ITSN1: variants seen among roughly 807,000 people sequenced by gnomAD.
ITSN1 encodes intersectin 1.
A neutral mutation model predicts 239.8 loss-of-function variants in ITSN1; 58 were observed. The observed-to-expected ratio is 0.24, with a 90% CI of 0.20 to 0.30. ITSN1 has a LOEUF of 0.30. Ranked by LOEUF, ITSN1 falls within the 10% of genes least tolerant of loss-of-function variation. The pLI is 1.00. For synonymous variants in ITSN1, 780 were observed against 770.8 expected (o/e 1.01, Z -0.20); for missense variants, 1,558 against 2,103.3 (o/e 0.74, Z 5.07).
At chr21:33,670,371 C>A (rs1450931669) in intron 1 of ITSN1, among the ~76,000 whole-genome samples, 1 of 152,052 alleles carries the variant, frequency 6.6e-6, no homozygotes, top group Non-Finnish European at 1.5e-5. Context: ...CAAAACAAAA[C>A]AAAATCTGAG....
chr21:33,727,117 GTGTGTCAT>G, intron 4 of ITSN1, among the ~76,000 whole-genome samples: 1 of 152,210 alleles, frequency 6.6e-6, no homozygotes, highest in South Asian at 2.1e-4. Context: ...TCAAGTCAGT[GTGTGTCAT>G]GCCAAATTAT....
chr21:33,864,578 G>A (rs1034820846), intron 31 of ITSN1, among the ~76,000 whole-genome samples: 1 of 152,014 alleles, frequency 6.6e-6, no homozygotes, highest in African/African-American at 2.4e-5. Context: ...CCTCTTTTCC[G>A]AACTCCTCTT....
chr21:33,845,261 C>T (rs536063232), intron 29 of ITSN1, among the ~76,000 whole-genome samples: 7 of 151,534 alleles, frequency 4.6e-5, no homozygotes, highest in Non-Finnish European at 5.9e-5. Context: ...GACCTGGCTG[C>T]GGGGGAGGCA....
In ITSN1 at chr21:33,819,273, G is replaced by A; in HGVS notation, c.2966G>A (p.Ser989Asn). 6.2e-7 allele frequency: 1 copy of A among 1,614,050 alleles called. No homozygotes were observed. Among genetic ancestry groups the A allele is most frequent in the South Asian group, 1.1e-5 (1 of 91,078 alleles). ...TCTGGTTCTTCAGAGAGTCCTGCTA[G>A]TCTAAAGCGAGTAGCCTCTCCAGCA... ...MDSGSSESPA[S>N]LKRVASPAAK... The change falls in exon 24 of 40, where the codon AGT (serine) becomes AAT (asparagine). Residue 989 changes from serine to asparagine, a missense_variant. By Grantham distance (46) the Ser-to-Asn change is conservative (BLOSUM62 1). Transcript: ENST00000381318.
intron 14 of ITSN1, among the ~76,000 whole-genome samples, chr21:33,776,189 G>A (rs1344462549): frequency 6.6e-6 from 1 of 152,030 alleles, no homozygotes; most frequent in African/African-American, 2.4e-5. Context: ...TGTGGAAATG[G>A]TTTATTTCTC....
At chr21:33,709,083 T>G (rs1258651569) in intron 1 of ITSN1, among the ~76,000 whole-genome samples, 3 of 152,310 alleles carry the variant, frequency 2.0e-5, no homozygotes, top group Non-Finnish European at 2.9e-5. Flanking sequence ...AGGGTAAATC[T>G]TTCAACTTTG....
chr21:33,650,376 C>T (rs568339914), intron 1 of ITSN1, among the ~76,000 whole-genome samples: 10 of 152,260 alleles, frequency 6.6e-5, no homozygotes, highest in Non-Finnish European at 8.8e-5. Flanking sequence ...GGAGCTCCAA[C>T]GAATTGGAGC....
In ITSN1 at chr21:33,674,754, A is replaced by G. The variant is rs114998781; in HGVS notation, c.-33+32041A>G. Reference sequence around the variant, plus strand: ...AAAAGTTTATTTTACCTTTTTTATTATAGGAGTAATGCATGTTCATAATGG... The same window carrying G: ...AAAAGTTTATTTTACCTTTTTTATTGTAGGAGTAATGCATGTTCATAATGG... On this transcript the variant is annotated intron_variant, in intron 1 of 39. Transcript: ENST00000381318. 5.3e-3 allele frequency among the ~76,000 whole-genome samples: 804 copies of G among 152,320 alleles called. 6 individuals carry two copies. The highest frequency in any genetic ancestry group is 0.018 in the African/African-American group (763 of 41,578).
At chr21:33,831,764 G>A (rs1436684034) in intron 27 of ITSN1, among the ~76,000 whole-genome samples, 1 of 152,186 alleles carries the variant, frequency 6.6e-6, no homozygotes, top group Non-Finnish European at 1.5e-5. Flanking sequence ...GCACAACCTG[G>A]AGTGTAACTA....
chr21:33,797,239 T>A lies in ITSN1; in HGVS notation c.1953-140T>A. 1 of 664,042 alleles carries A rather than the reference T, an allele frequency of 1.5e-6. No homozygotes were observed. The highest frequency in any genetic ancestry group is 2.7e-6 in the Non-Finnish European group (1 of 376,900). The allele number at this position is 664,042 out of a possible 1,614,324, so 41.1% of individuals were successfully genotyped here. A position where few individuals can be genotyped will look rare whatever the true frequency, so the allele number is the denominator to read the frequency against. ...TCTCATTCAGAACTGGAGCCCTGAT[T>A]CAGTTGCCCCATCTGAACAACAATG... On this transcript the variant is annotated intron_variant, in intron 17 of 39. Transcript: ENST00000381318. The surrounding 1 kb of genome is among the most constrained non-coding windows in gnomAD (Gnocchi z 4.9).
At chr21:33,769,021 A>T (rs548348004) in intron 11 of ITSN1, among the ~76,000 whole-genome samples, 4 of 152,366 alleles carry the variant, frequency 2.6e-5, no homozygotes, top group East Asian at 3.9e-4. Context: ...GATGCACAAC[A>T]GACCTCACTT....
chr21:33,876,882 CAGATAT>C (rs960413964), intron 34 of ITSN1, among the ~76,000 whole-genome samples: 30 of 148,240 alleles, frequency 2.0e-4, no homozygotes, highest in African/African-American at 5.8e-4. Flanking sequence ...AAACAACAAA[CAGATAT>C]AGATATAGAT....
At chr21:33,867,153 C>A (rs770526896) in intron 32 of ITSN1, 80 bp from the exon 33 acceptor site, 30 of 809,218 alleles carry the variant, frequency 3.7e-5, no homozygotes, top group Middle Eastern at 3.0e-4. Flanking sequence ...GGTGGAGAGT[C>A]CTCACTGACA....
At chr21:33,664,398 G>A (rs1177010392) in intron 1 of ITSN1, among the ~76,000 whole-genome samples, 1 of 152,140 alleles carries the variant, frequency 6.6e-6, no homozygotes, top group South Asian at 2.1e-4. Context: ...GGGCCAGGTT[G>A]TTAACAGCCA....
At chr21:33,741,482 G>A (rs777431178) in intron 5 of ITSN1, among the ~76,000 whole-genome samples, 19 of 152,112 alleles carry the variant, frequency 1.2e-4, no homozygotes, top group Middle Eastern at 3.2e-3. Context: ...TAGTGTGCAC[G>A]TGAACTGTAA....
At chr21:33,766,714 A>G (rs549601666) in intron 10 of ITSN1, among the ~76,000 whole-genome samples, 4 of 152,378 alleles carry the variant, frequency 2.6e-5, no homozygotes, top group African/African-American at 7.2e-5. Flanking sequence ...CTGTCAGCAC[A>G]CACGTGGTAC....
chr21:33,658,888 A>C (rs2089315829), intron 1 of ITSN1, among the ~76,000 whole-genome samples: 1 of 151,972 alleles, frequency 6.6e-6, no homozygotes, highest in South Asian at 2.1e-4. Context: ...GAATTTCCTG[A>C]GTGGTGGGAG....
At chr21:33,661,860 C>T (rs527957383) in intron 1 of ITSN1, among the ~76,000 whole-genome samples, 1 of 152,022 alleles carries the variant, frequency 6.6e-6, no homozygotes, top group East Asian at 1.9e-4. Flanking sequence ...ATTATGAGGC[C>T]TCCCCAGCCA....
At position 33,892,136 on chromosome 21, in the gene ITSN1, T is replaced by C. The variant is rs968620271; in HGVS notation, c.*3836T>C. On this transcript the variant is annotated 3_prime_UTR_variant, in exon 40 of 40. Transcript: ENST00000381318. ...TATGCTTGTTTACAAGTTTAGAGCA[T>C]CCTATGCCAGAAAGTGAGATGAAAA... is the stretch of plus-strand genomic sequence containing the variant. The C allele has an allele frequency of 6.6e-6, 1 of 152,190 alleles. No homozygotes were observed. The highest frequency in any genetic ancestry group is 1.5e-5 in the Non-Finnish European group (1 of 68,040). The allele number at this position is 152,190 out of a possible 1,614,324, so 9.4% of individuals were successfully genotyped here.
Sources: gnomAD v4.1 joint callset for allele counts (sites outside exome capture counted in the v4.1 genomes callset) on GRCh38, gnomAD v4.1.1 for gene constraint, Gnocchi (gnomAD v3.1) non-coding constraint, MANE v1.5 for transcripts, NCBI Gene and HGNC (gene_info 2026-07-23, HGNC 2026-07-21) for gene names.